Variants in UNC13C observed in about 807,000 individuals in gnomAD.
UNC13C encodes the protein unc-13 homolog C.
A neutral mutation model predicts 245.4 loss-of-function variants in UNC13C; 174 were observed. The ratio of observed to expected loss-of-function variants is 0.71; its 90% CI spans 0.63 to 0.80. The LOEUF is 0.80. UNC13C is among the 30% of genes least tolerant of loss of function. UNC13C has a pLI of 0.00. For missense variants in UNC13C, 2,829 were observed against 2,602.9 expected (o/e 1.09, Z -1.89); for synonymous variants, 992 against 895.1 (o/e 1.11, Z -1.93).
chr15:53,906,279 C>T, the UNC13C span, among the ~76,000 whole-genome samples: 1 of 152,080 alleles, frequency 6.6e-6, no homozygotes, highest in Non-Finnish European at 1.5e-5. Context: ...TGAATTGTGA[C>T]TGCACCACTG....
chr15:54,243,200 C>G (rs1228142960), intron 7 of UNC13C, among the ~76,000 whole-genome samples: 2 of 149,340 alleles, frequency 1.3e-5, no homozygotes, highest in Non-Finnish European at 3.0e-5. Flanking sequence ...TGTTCTCATC[C>G]TTCAGCTCCC....
chr15:54,022,049 T>C (rs1475088659), intron 2 of UNC13C, among the ~76,000 whole-genome samples: 5 of 152,206 alleles, frequency 3.3e-5, no homozygotes, highest in Non-Finnish European at 7.3e-5. Flanking sequence ...AATGACTCAT[T>C]TCTCAGAACA....
the UNC13C span, among the ~76,000 whole-genome samples, chr15:53,877,217 GA>G: frequency 0.013 from 1,909 of 152,310 alleles, 22 homozygotes; most frequent in Middle Eastern, 0.041. Flanking sequence ...TTGATTAGCT[GA>G]ATTATGCAAA....
At chr15:53,967,331 G>GTT in the UNC13C span, among the ~76,000 whole-genome samples, 7 of 88,868 alleles carry the variant, frequency 7.9e-5, no homozygotes, top group African/African-American at 3.0e-4. Flanking sequence ...TTTTTTTTTT[G>GTT]TTGTTTTGTT....
intron 2 of UNC13C, among the ~76,000 whole-genome samples, chr15:54,036,939 C>G (rs571777496): frequency 6.6e-6 from 1 of 152,208 alleles, no homozygotes; most frequent in Non-Finnish European, 1.5e-5. Context: ...ACCTTCTGCT[C>G]TTAAGTCACG....
At chr15:54,508,501 C>G (rs1199537613) in intron 23 of UNC13C, among the ~76,000 whole-genome samples, 1 of 152,056 alleles carries the variant, frequency 6.6e-6, no homozygotes, top group Non-Finnish European at 1.5e-5. Flanking sequence ...AGGTTTTATA[C>G]TTGGAAAAAT....
chr15:54,421,012 T>G (rs1360158694), intron 19 of UNC13C, among the ~76,000 whole-genome samples: 1 of 152,104 alleles, frequency 6.6e-6, no homozygotes, highest in Non-Finnish European at 1.5e-5. Context: ...ATGCCCAGAT[T>G]TTTAATCTTA....
At chr15:53,870,791 G>C in the UNC13C span, among the ~76,000 whole-genome samples, 31 of 152,052 alleles carry the variant, frequency 2.0e-4, no homozygotes, top group African/African-American at 7.2e-4. Context: ...AAGAAGTTTG[G>C]CCAAGGTCAC....
chr15:54,109,277 TCCCCTCCCCTCCCCTCCCTTCCCCTC>T (rs1900631799), intron 2 of UNC13C, among the ~76,000 whole-genome samples: 26 of 43,288 alleles, frequency 6.0e-4, no homozygotes, highest in East Asian at 7.8e-4. Context: ...TCTCCTCCCC[TCCCCTCCCCTCCCCTCCCTTCCCCTC>T]CCCTCCCCTC....
intron 13 of UNC13C, among the ~76,000 whole-genome samples, chr15:54,306,916 A>T (rs1218673848): frequency 6.6e-6 from 1 of 151,990 alleles, no homozygotes; most frequent in African/African-American, 2.4e-5. Flanking sequence ...TTTATCCAGG[A>T]GTCTATCTGT....
Position 54,167,602 on chromosome 15 carries a change from GAAAAAA to G in UNC13C, c.3071+23935_3071+23940del, listed in dbSNP as rs35210236. Among the ~76,000 whole-genome samples, 311 of 63,576 alleles carry G rather than the reference GAAAAAA, an allele frequency of 4.9e-3. 2 individuals carry two copies. The highest frequency in any genetic ancestry group is 0.016 in the African/African-American group (265 of 16,568). 41.7% of individuals were successfully genotyped at this position (63,576 alleles called of 152,430 possible). ...AGTGAAAGAATGAGTATCCAAATAG[GAAAAAA>G]AAAAAAAAAAAAAAAAGAAACAAAA... is the stretch of plus-strand genomic sequence containing the variant. On this transcript the variant is annotated intron_variant, in intron 4 of 32. Coordinates refer to ENST00000260323, the MANE Select transcript of UNC13C (RefSeq NM_001080534.3).
intron 2 of UNC13C, among the ~76,000 whole-genome samples, chr15:54,140,409 A>C (rs2031961102): frequency 6.6e-6 from 1 of 152,298 alleles, no homozygotes; most frequent in East Asian, 1.9e-4. Flanking sequence ...AAAAAAACAG[A>C]GAGAGAGATT....
chr15:54,137,747 T>C (rs1289992766), intron 2 of UNC13C, among the ~76,000 whole-genome samples: 1 of 152,154 alleles, frequency 6.6e-6, no homozygotes. Context: ...AGTTTGACAA[T>C]TTTGTTTATA....
At chr15:54,294,481 A>G (rs1278195677) in intron 11 of UNC13C, among the ~76,000 whole-genome samples, 1 of 152,096 alleles carries the variant, frequency 6.6e-6, no homozygotes, top group African/African-American at 2.4e-5. Context: ...ATTGCTTTCA[A>G]ATGACGGTAT....
chr15:54,255,770 A>T (rs2036264295), intron 8 of UNC13C, among the ~76,000 whole-genome samples: 1 of 152,212 alleles, frequency 6.6e-6, no homozygotes, highest in Admixed American at 6.5e-5. Flanking sequence ...CCCTAGCCAG[A>T]GACCAAGCCC....
At chr15:54,417,951 G>A (rs2040555348) in intron 19 of UNC13C, among the ~76,000 whole-genome samples, 1 of 152,036 alleles carries the variant, frequency 6.6e-6, no homozygotes, top group African/African-American at 2.4e-5. Flanking sequence ...TTGAGACGGA[G>A]TCTAGCTCTG....
the UNC13C span, among the ~76,000 whole-genome samples, chr15:53,883,330 G>A: frequency 1.1e-4 from 17 of 152,184 alleles, no homozygotes; most frequent in African/African-American, 4.1e-4. Context: ...ATCAAATACT[G>A]TTGCTGTTTG....
chr15:54,014,254 G>C lies in UNC13C; in HGVS notation c.1351G>C (p.Asp451His). 1 of 1,613,920 alleles carries C rather than the reference G, an allele frequency of 6.2e-7. No homozygotes were observed. The highest frequency in any genetic ancestry group is 8.5e-7 in the Non-Finnish European group (1 of 1,179,846). ...IKKNNWQSPD[D>H]SDEDLESDLN... ...GAAGAACAATTGGCAGTCACCTGAT[G>C]ACAGTGATGAAGATCTTGAATCTGA... The change falls in exon 2 of 33, where the codon GAC becomes CAC. Residue 451 changes from aspartate (D) to histidine (H), a missense_variant. By Grantham distance (81) the Asp-to-His change is moderately conservative. Coordinates refer to ENST00000260323, the MANE Select transcript of UNC13C (RefSeq NM_001080534.3).
chr15:54,013,156 G>C lies in UNC13C; in HGVS notation c.253G>C (p.Glu85Gln). 6.2e-7 allele frequency: 1 copy of C among 1,613,822 alleles called. No homozygotes were observed. Among genetic ancestry groups the C allele is most frequent in the Middle Eastern group, 1.6e-4 (1 of 6,062 alleles). ...LSTEEDEASKEFSLSPTFSYR... is the reference protein window; with the variant it reads ...LSTEEDEASKQFSLSPTFSYR... ...CACTGAGGAAGACGAGGCCAGTAAA[G>C]AGTTTTCCCTCTCACCAACATTCAG... Residue 85 changes from glutamate (E) to glutamine (Q), a missense_variant, in exon 2 of 33, where the codon GAG (glutamate) becomes CAG (glutamine). By Grantham distance (29) the Glu-to-Gln change is conservative (BLOSUM62 2). Transcript: ENST00000260323.
Sources: allele counts gnomAD v4.1 joint callset (sites outside exome capture counted in the v4.1 genomes callset), GRCh38; gene constraint gnomAD v4.1.1; transcripts MANE v1.5; gene names NCBI Gene and HGNC (gene_info 2026-07-23, HGNC 2026-07-21).